Variants in AFF3 observed in about 807,000 individuals in gnomAD.
AFF3 encodes AF4/FMR2 family member 3.
AFF3 carries 32 observed loss-of-function variants against 129.7 expected under a neutral mutation model. The observed-to-expected ratio is 0.25, with a 90% CI of 0.19 to 0.33. AFF3 has a LOEUF of 0.33. AFF3 is among the 10% of genes least tolerant of loss of function. AFF3 has a pLI of 1.00. For synonymous variants in AFF3, 644 were observed against 635.4 expected, an observed-to-expected ratio of 1.01 and a Z score of -0.20; for missense variants, 1,373 against 1,592.0, an observed-to-expected ratio of 0.86 and a Z score of 2.34.
At chr2:99,953,933 C>A (rs1676394025) in intron 7 of AFF3, among the ~76,000 whole-genome samples, 1 of 152,186 alleles carries the variant, frequency 6.6e-6, no homozygotes, top group Non-Finnish European at 1.5e-5. Context: ...TCAGCTCTCA[C>A]CCATGCACCT....
chr2:99,914,779 G>C (rs575235063), intron 7 of AFF3, among the ~76,000 whole-genome samples: 1 of 152,082 alleles, frequency 6.6e-6, no homozygotes, highest in South Asian at 2.1e-4. Flanking sequence ...AATTAGCTGG[G>C]CATGGTGGCA....
chr2:100,090,802 G>A (rs190275396), intron 4 of AFF3, among the ~76,000 whole-genome samples: 38 of 152,244 alleles, frequency 2.5e-4, no homozygotes, highest in Middle Eastern at 6.8e-3. Context: ...TCAGGATCCC[G>A]ATGAGCTGGG....
chr2:99,596,620 G>A (rs780760403), intron 14 of AFF3, among the ~76,000 whole-genome samples: 22 of 117,206 alleles, frequency 1.9e-4, no homozygotes, highest in Non-Finnish European at 3.7e-4. Context: ...CCGCCACTGC[G>A]TTTCACACTA....
At chr2:99,672,685 G>A (rs1687269766) in intron 11 of AFF3, 96 bp from the exon 12 acceptor site, 4 of 1,161,424 alleles carry the variant, frequency 3.4e-6, no homozygotes, top group Non-Finnish European at 5.0e-6. Context: ...TGTTATTAGA[G>A]CAACATTTTG....
At chr2:99,721,793 T>C (rs1678913946) in intron 11 of AFF3, among the ~76,000 whole-genome samples, 1 of 152,238 alleles carries the variant, frequency 6.6e-6, no homozygotes, top group Non-Finnish European at 1.5e-5. Flanking sequence ...GCTGAGCTTC[T>C]TGAATCTATA....
At chr2:100,093,940 A>C (rs1690077115) in intron 4 of AFF3, among the ~76,000 whole-genome samples, 1 of 152,158 alleles carries the variant, frequency 6.6e-6, no homozygotes, top group East Asian at 1.9e-4. Context: ...ATCCATCAAA[A>C]CAGAGGGCCT....
chr2:99,569,831 G>C (rs1186447544), intron 18 of AFF3, among the ~76,000 whole-genome samples: 2 of 152,192 alleles, frequency 1.3e-5, no homozygotes, highest in African/African-American at 2.4e-5. Flanking sequence ...AGATTCGACG[G>C]AAGTAGTGAT....
chr2:100,050,085 G>A (rs1361715921), intron 4 of AFF3, among the ~76,000 whole-genome samples: 4 of 151,654 alleles, frequency 2.6e-5, no homozygotes, highest in Admixed American at 1.3e-4. Flanking sequence ...GGTGGCATGC[G>A]CCTGTAGTCC....
chr2:99,804,879 A>G (rs562758131), intron 8 of AFF3, among the ~76,000 whole-genome samples: 5 of 152,148 alleles, frequency 3.3e-5, no homozygotes, highest in Non-Finnish European at 7.4e-5. Context: ...GAGGTAAGCT[A>G]TGGATATGCA....
chr2:99,794,279 C>T (rs186003471), intron 8 of AFF3, among the ~76,000 whole-genome samples: 1 of 152,250 alleles, frequency 6.6e-6, no homozygotes, highest in Admixed American at 6.5e-5. Context: ...TTTCTTTCTT[C>T]AGAGACTGAT....
intron 7 of AFF3, among the ~76,000 whole-genome samples, chr2:99,867,825 C>T (rs1691543774): frequency 6.6e-6 from 1 of 152,172 alleles, no homozygotes; most frequent in Non-Finnish European, 1.5e-5. Context: ...ACCTCTCTGG[C>T]TACACAGTGA....
At chr2:99,985,833 T>G (rs181394801) in intron 7 of AFF3, among the ~76,000 whole-genome samples, 103 of 152,268 alleles carry the variant, frequency 6.8e-4, no homozygotes, top group Non-Finnish European at 1.2e-3. Context: ...GTGTGCAGTT[T>G]GTAAAAATTC....
chr2:99,979,490 A>ATC (rs915025819), intron 7 of AFF3, among the ~76,000 whole-genome samples: 6 of 151,730 alleles, frequency 4.0e-5, no homozygotes, highest in African/African-American at 1.5e-4. Context: ...TAAATTCTTT[A>ATC]TCTCTTTTTT....
rs181678532 is a variant in AFF3, at chr2:99,627,841, T to C, written c.1184+21785A>G. ...TATTAAATAGGGAATCCTTTCCCCATTGCTTCTTTTGTCAAAGATCAGATG... is the reference window on the plus strand; with the variant it reads ...TATTAAATAGGGAATCCTTTCCCCACTGCTTCTTTTGTCAAAGATCAGATG... On this transcript the variant is annotated intron_variant, in intron 13 of 24. Transcript: ENST00000672756. Among the ~76,000 whole-genome samples the C allele has an allele frequency of 1.1e-3, 172 of 152,324 alleles. 8 individuals are homozygous for C. In the East Asian group the frequency reaches 0.022, roughly 19 times the overall value.
chr2:99,913,628 A>G (rs1695255962), intron 7 of AFF3, among the ~76,000 whole-genome samples: 1 of 152,196 alleles, frequency 6.6e-6, no homozygotes, highest in African/African-American at 2.4e-5. Flanking sequence ...GTTTCTAAAT[A>G]CCATGTCCGC....
intron 7 of AFF3, among the ~76,000 whole-genome samples, chr2:99,912,716 G>C (rs888843641): frequency 2.6e-5 from 4 of 152,138 alleles, no homozygotes; most frequent in African/African-American, 4.8e-5. Context: ...GGATAACATA[G>C]GGAAACAAAT....
intron 7 of AFF3, among the ~76,000 whole-genome samples, chr2:99,884,593 G>A (rs372320158): frequency 3.0e-4 from 45 of 151,508 alleles, no homozygotes; most frequent in African/African-American, 9.0e-4. Context: ...TGGTAGAGAT[G>A]GGGTTTCACC....
chr2:99,696,535 G>T (rs1278364376), intron 11 of AFF3, among the ~76,000 whole-genome samples: 2 of 152,170 alleles, frequency 1.3e-5, no homozygotes, highest in Non-Finnish European at 2.9e-5. Flanking sequence ...TATTACACTT[G>T]TATTGCTCTT....
chr2:100,084,823 T>G (rs544322011), intron 4 of AFF3, among the ~76,000 whole-genome samples: 9 of 151,362 alleles, frequency 5.9e-5, no homozygotes, highest in African/African-American at 1.2e-4. Flanking sequence ...GAAGGATTTA[T>G]ATAGATTGTC....
Sources: allele counts gnomAD v4.1 joint callset (sites outside exome capture counted in the v4.1 genomes callset), GRCh38; gene constraint gnomAD v4.1.1; transcripts MANE v1.5; gene names NCBI Gene and HGNC (gene_info 2026-07-23, HGNC 2026-07-21).